Variants in LRIG2 observed in about 807,000 individuals in gnomAD.
LRIG2 encodes leucine-rich repeats and immunoglobulin-like domains protein 2.
In LRIG2, 93 loss-of-function variants were observed where a neutral mutation model predicts 107.8. The observed-to-expected ratio is 0.86, with a 90% CI of 0.73 to 1.03. The LOEUF (loss-of-function observed/expected upper bound fraction) is 1.03. LRIG2 is among the 50% of genes least tolerant of loss of function. The pLI, the probability that LRIG2 is intolerant of heterozygous loss-of-function variation, is 0.00. For missense variants in LRIG2, 1,226 were observed against 1,296.0 expected, an observed-to-expected ratio of 0.95 and a Z score of 0.83; for synonymous variants, 471 against 470.6, an observed-to-expected ratio of 1.00 and a Z score of -0.01.
At chr1:113,084,629 C>CAAAT (rs35930807) in intron 1 of LRIG2, among the ~76,000 whole-genome samples, 148,053 of 152,234 alleles carry the variant, frequency 0.97, 72,112 homozygotes, top group East Asian at 1. Context: ...CCAATTAAAA[C>CAAAT]AAAATCAGCA....
rs33992650 is a variant in LRIG2 at position 113,127,381 on chromosome 1, C to CTTTTTTTTTTT, written c.*3291_*3301dup. ...ATTACAGGCACACCACCATTTCCAG[C>CTTTTTTTTTTT]TTTTTTTTTTTTTTTTTTTTTGATA... On this transcript the variant is annotated 3_prime_UTR_variant, in exon 18 of 18. Coordinates refer to ENST00000361127, the MANE Select transcript of LRIG2 (RefSeq NM_014813.3). 1 of 102,246 alleles carries CTTTTTTTTTTT rather than the reference C, an allele frequency of 9.8e-6. No individual in the cohort carries two copies. Among genetic ancestry groups the CTTTTTTTTTTT allele is most frequent in the Admixed American group, 1.0e-4 (1 of 9,584 alleles). The allele number at this position is 102,246 out of a possible 1,614,324, so 6.3% of individuals were successfully genotyped here.
chr1:113,081,446 G>A (rs1489035335), intron 1 of LRIG2, among the ~76,000 whole-genome samples: 2 of 150,446 alleles, frequency 1.3e-5, no homozygotes, highest in African/African-American at 4.9e-5. Context: ...CTGCTCTGTC[G>A]CCCAAGTAGC....
chr1:113,119,590 A>G (rs1655163487), intron 17 of LRIG2, 67 bp downstream of exon 17: 1 of 1,455,166 alleles, frequency 6.9e-7, no homozygotes, highest in South Asian at 1.3e-5. Flanking sequence ...CTTCTATCAT[A>G]TAGGTAGTGC....
chr1:113,107,970 C>T (rs903957054), intron 12 of LRIG2: 3 of 524,548 alleles, frequency 5.7e-6, no homozygotes, highest in Non-Finnish European at 9.8e-6. Flanking sequence ...AGTCAGATTC[C>T]TGAATCAAGC....
intron 13 of LRIG2, among the ~76,000 whole-genome samples, chr1:113,111,541 C>T (rs867550925): frequency 6.6e-6 from 1 of 152,182 alleles, no homozygotes; most frequent in South Asian, 2.1e-4. Context: ...TGTACTCATA[C>T]TTAGCTCCCA....
chr1:113,078,527 G>C (rs749204892), intron 1 of LRIG2, among the ~76,000 whole-genome samples: 4 of 151,648 alleles, frequency 2.6e-5, no homozygotes, highest in Non-Finnish European at 4.4e-5. Context: ...CCTTAAAAGA[G>C]TATGAGCTCA....
At chr1:113,113,853 A>G (rs1200510546) in intron 14 of LRIG2, among the ~76,000 whole-genome samples, 3 of 152,164 alleles carry the variant, frequency 2.0e-5, no homozygotes, top group Non-Finnish European at 4.4e-5. Flanking sequence ...TAACATGTTA[A>G]GATATACAGA....
chr1:113,124,521 C>T lies in LRIG2; in HGVS notation c.*420C>T, dbSNP rs1655407076. The T allele has an allele frequency of 5.5e-6, 1 of 183,048 alleles. No individual in the cohort carries two copies. The highest frequency in any genetic ancestry group is 2.4e-5 in the African/African-American group (1 of 42,088). 11.3% of individuals were successfully genotyped at this position (183,048 alleles called of 1,614,324 possible). A position where few individuals can be genotyped will look rare whatever the true frequency, so the allele number is the denominator to read the frequency against. ...CCAAGGAGCAAAAATAACTTTGGAG[C>T]CTTCTGGGAAGTGTGCCTGGGATTC... On this transcript the variant is annotated 3_prime_UTR_variant, in exon 18 of 18. Coordinates refer to ENST00000361127, the MANE Select transcript of LRIG2 (RefSeq NM_014813.3).
At chr1:113,090,176 A>C (rs1218242659) in intron 1 of LRIG2, among the ~76,000 whole-genome samples, 1 of 152,222 alleles carries the variant, frequency 6.6e-6, no homozygotes, top group Non-Finnish European at 1.5e-5. Flanking sequence ...GAATGACCTA[A>C]GATGTATTAT....
At chr1:113,104,606 C>T (rs533212196) in intron 11 of LRIG2, among the ~76,000 whole-genome samples, 2 of 151,962 alleles carry the variant, frequency 1.3e-5, no homozygotes, top group Non-Finnish European at 2.9e-5. Flanking sequence ...CAGCCTCTGC[C>T]TTCCGGGTTC....
rs1047351048 is a variant in LRIG2 at position 113,130,739 on chromosome 1, C to T, written c.*6638C>T. ...TAAGTCCTTTGTATTCATTTTAGAG[C>T]TCTTCAGGAAACTAGAGAATTTTGG... On this transcript the variant is annotated 3_prime_UTR_variant, in exon 18 of 18. Transcript: ENST00000361127. 2.0e-5 allele frequency: 3 copies of T among 152,134 alleles called. No homozygotes were observed. Among genetic ancestry groups the T allele is most frequent in the Non-Finnish European group, 2.9e-5 (2 of 68,024 alleles). The allele number at this position is 152,134 out of a possible 1,614,324, so 9.4% of individuals were successfully genotyped here.
intron 1 of LRIG2, among the ~76,000 whole-genome samples, chr1:113,089,676 CTTTTTTTTTTT>C (rs35515644): frequency 0.012 from 851 of 71,726 alleles, 20 homozygotes; most frequent in African/African-American, 0.04. Context: ...AGGTGGATTG[CTTTTTTTTTTT>C]TTTTTTTTTT....
chr1:113,113,941 A>G (rs551781917), intron 14 of LRIG2, among the ~76,000 whole-genome samples: 7 of 152,314 alleles, frequency 4.6e-5, no homozygotes, highest in African/African-American at 1.7e-4. Context: ...TCTCACTTTT[A>G]TGTAGTCAAA....
At chr1:113,123,727 TTG>T (rs66524955) in intron 17 of LRIG2, 146 bp from the exon 18 acceptor site, 11,073 of 594,192 alleles carry the variant, frequency 0.019, 74 homozygotes, top group African/African-American at 0.059. Flanking sequence ...GTGGTGGTTT[TTG>T]TGTGTGTGTG....
Position 113,094,731 on chromosome 1 carries a change from T to G in LRIG2, c.779T>G (p.Phe260Cys). 1.2e-6 allele frequency: 2 copies of G among 1,613,858 alleles called. No individual in the cohort carries two copies. Among genetic ancestry groups the G allele is most frequent in the Non-Finnish European group, 1.7e-6 (2 of 1,179,884 alleles). ...AGCAAACTTAAGGATGGAGCATTTTTTGGCTTGAATAACATGGAAGAACTG... is the reference window on the plus strand; with the variant it reads ...AGCAAACTTAAGGATGGAGCATTTTGTGGCTTGAATAACATGGAAGAACTG... ...GISKLKDGAF[F>C]GLNNMEELEL... Residue 260 changes from phenylalanine to cysteine, a missense_variant, in exon 6 of 18, where the codon TTT becomes TGT. Physicochemically the swap from Phe to Cys is radical, Grantham distance 205. This residue lies in a region of LRIG2 where 570 missense variants were observed against 550.2 expected (regional missense o/e 1.04). Coordinates refer to ENST00000361127, the MANE Select transcript of LRIG2 (RefSeq NM_014813.3).
chr1:113,121,029 G>A, intron 17 of LRIG2, among the ~76,000 whole-genome samples: 1 of 150,596 alleles, frequency 6.6e-6, no homozygotes, highest in African/African-American at 2.4e-5. Context: ...TGTTGTCCAG[G>A]CTGGTCTCGA....
At chr1:113,107,982 A>G (rs1270038074) in intron 12 of LRIG2, among the ~76,000 whole-genome samples, 2 of 152,194 alleles carry the variant, frequency 1.3e-5, no homozygotes, top group Non-Finnish European at 2.9e-5. Context: ...GAATCAAGCA[A>G]TATGAGTTTT....
intron 11 of LRIG2, among the ~76,000 whole-genome samples, chr1:113,103,014 T>TC (rs1654372899): frequency 6.6e-6 from 1 of 151,568 alleles, no homozygotes; most frequent in South Asian, 2.1e-4. Context: ...CCTCCTTTTT[T>TC]TTTGCCAGTG....
chr1:113,101,000 T>C (rs181809553), intron 11 of LRIG2, among the ~76,000 whole-genome samples: 29 of 152,332 alleles, frequency 1.9e-4, no homozygotes, highest in Admixed American at 1.1e-3. Flanking sequence ...GTTTTAAAAA[T>C]TGTTCTTACT....
Sources: allele counts gnomAD v4.1 joint callset (sites outside exome capture counted in the v4.1 genomes callset), GRCh38; gene constraint gnomAD v4.1.1; regional missense constraint gnomAD v4.1.1; transcripts MANE v1.5; gene names NCBI Gene and HGNC (gene_info 2026-07-23, HGNC 2026-07-21).